Variants in CA8 observed in about 807,000 individuals in gnomAD.
CA8 encodes the protein carbonic anhydrase-related protein.
A neutral mutation model predicts 41.4 loss-of-function variants in CA8; 22 were observed. That is an observed-to-expected ratio of 0.53 (90% CI 0.38 to 0.76). The LOEUF is 0.76. Ranked by LOEUF, CA8 falls within the 30% of genes least tolerant of loss-of-function variation. The pLI, the probability that CA8 is intolerant of heterozygous loss-of-function variation, is 0.00. For missense variants in CA8, 270 were observed against 352.8 expected (o/e 0.77, Z 1.88); for synonymous variants, 121 against 130.6 (o/e 0.93, Z 0.50).
chr8:60,208,353 T>G, intron 8 of CA8: 1 of 229,282 alleles, frequency 4.4e-6, no homozygotes. Context: ...ACACTGAGGC[T>G]CACACGCTCC....
At position 60,281,276 on chromosome 8, in the gene CA8, G is replaced by A; in HGVS notation, c.-129C>T. On this transcript the variant is annotated 5_prime_UTR_variant, in exon 1 of 9. Transcript: ENST00000317995. ...CGCGTGAGCGGCAGTGTGAGTGCGA[G>A]AGCGCCTCCGGGTGTGAACCGCAGT... 2 of 681,654 alleles carry A rather than the reference G, an allele frequency of 2.9e-6. No homozygotes were observed. Among genetic ancestry groups the A allele is most frequent in the South Asian group, 1.7e-5 (1 of 60,528 alleles). The allele number at this position is 681,654 out of a possible 1,614,324, so 42.2% of individuals were successfully genotyped here. A position where few individuals can be genotyped will look rare whatever the true frequency, so the allele number is the denominator to read the frequency against.
intron 1 of CA8, among the ~76,000 whole-genome samples, chr8:60,280,666 C>T (rs1184835722): frequency 6.6e-6 from 1 of 152,242 alleles, no homozygotes; most frequent in Non-Finnish European, 1.5e-5. Flanking sequence ...AAAACGAATT[C>T]TTCACGCTAA....
chr8:60,229,594 G>A (rs954826313), intron 4 of CA8, among the ~76,000 whole-genome samples: 2 of 152,130 alleles, frequency 1.3e-5, no homozygotes, highest in African/African-American at 2.4e-5. Flanking sequence ...CCGTCAGTCC[G>A]TGGCCTTCTG....
intron 2 of CA8, among the ~76,000 whole-genome samples, chr8:60,277,406 A>T (rs527649642): frequency 4.6e-5 from 7 of 151,424 alleles, no homozygotes; most frequent in African/African-American, 1.5e-4. Context: ...CAGGCTGGAG[A>T]GCAATGGCGC....
At chr8:60,255,837 T>C (rs1222246229) in intron 3 of CA8, among the ~76,000 whole-genome samples, 1 of 152,194 alleles carries the variant, frequency 6.6e-6, no homozygotes, top group Non-Finnish European at 1.5e-5. Flanking sequence ...GAATATCAGC[T>C]TTTGTTTAAC....
chr8:60,230,784 G>A (rs887424873), intron 4 of CA8, among the ~76,000 whole-genome samples: 2 of 152,158 alleles, frequency 1.3e-5, no homozygotes, highest in Non-Finnish European at 2.9e-5. Flanking sequence ...GGAAATACTC[G>A]CAGTAGTTCT....
chr8:60,246,481 G>A (rs1337601945), intron 3 of CA8, among the ~76,000 whole-genome samples: 2 of 151,628 alleles, frequency 1.3e-5, no homozygotes, highest in African/African-American at 2.4e-5. Context: ...TGTACTTTTA[G>A]TGAGATGGGT....
intron 3 of CA8, among the ~76,000 whole-genome samples, chr8:60,248,553 G>A (rs558359514): frequency 6.6e-6 from 1 of 152,322 alleles, no homozygotes; most frequent in East Asian, 1.9e-4. Flanking sequence ...TCAAAGGTCA[G>A]GTGGCTGTAG....
At chr8:60,267,723 T>C (rs1803945218) in intron 2 of CA8, among the ~76,000 whole-genome samples, 1 of 152,174 alleles carries the variant, frequency 6.6e-6, no homozygotes, top group Non-Finnish European at 1.5e-5. Flanking sequence ...TCAGTATCTG[T>C]GAGCATGAAC....
At chr8:60,231,189 C>A (rs1807635102) in intron 4 of CA8, among the ~76,000 whole-genome samples, 1 of 151,990 alleles carries the variant, frequency 6.6e-6, no homozygotes, top group South Asian at 2.1e-4. Flanking sequence ...TGATTTCTTT[C>A]TAGTTATATA....
chr8:60,229,905 C>A (rs1358417638), intron 4 of CA8, among the ~76,000 whole-genome samples: 2 of 152,188 alleles, frequency 1.3e-5, no homozygotes, highest in Non-Finnish European at 2.9e-5. Context: ...TCTGATGGAT[C>A]AACACGACTT....
intron 4 of CA8, among the ~76,000 whole-genome samples, chr8:60,227,198 G>A (rs1304240786): frequency 6.6e-6 from 1 of 151,960 alleles, no homozygotes; most frequent in Admixed American, 6.6e-5. Flanking sequence ...GGGTGAGGAA[G>A]AAGAATCGCT....
At chr8:60,248,270 T>C (rs1327717564) in intron 3 of CA8, among the ~76,000 whole-genome samples, 2 of 152,240 alleles carry the variant, frequency 1.3e-5, no homozygotes, top group Non-Finnish European at 2.9e-5. Flanking sequence ...ATACGATTTG[T>C]CAATTTTTGC....
At chr8:60,204,973 G>T (rs892182899) in intron 8 of CA8, among the ~76,000 whole-genome samples, 4 of 152,106 alleles carry the variant, frequency 2.6e-5, no homozygotes, top group Admixed American at 2.0e-4. Context: ...AGACTGATAT[G>T]AAATTGATAC....
At chr8:60,258,875 C>T (rs555111445) in intron 3 of CA8, among the ~76,000 whole-genome samples, 2 of 152,326 alleles carry the variant, frequency 1.3e-5, no homozygotes, top group African/African-American at 4.8e-5. Flanking sequence ...GCCCACCACT[C>T]ACCTTGTGCT....
chr8:60,221,271 G>A (rs1361278870), intron 7 of CA8, among the ~76,000 whole-genome samples: 1 of 152,116 alleles, frequency 6.6e-6, no homozygotes, highest in African/African-American at 2.4e-5. Flanking sequence ...TGTGTTTCCA[G>A]AGCACCTTAC....
intron 3 of CA8, among the ~76,000 whole-genome samples, chr8:60,257,769 A>T (rs746311346): frequency 6.6e-6 from 1 of 152,204 alleles, no homozygotes; most frequent in Non-Finnish European, 1.5e-5. Context: ...TCTTCCACAT[A>T]GTAGTTGATA....
chr8:60,215,373 A>ACACACACACACACACACACACG (rs1362501653), intron 7 of CA8, among the ~76,000 whole-genome samples: 1 of 150,570 alleles, frequency 6.6e-6, no homozygotes, highest in Non-Finnish European at 1.5e-5. Flanking sequence ...ACACACACAC[A>ACACACACACACACACACACACG]CACACACACA....
intron 8 of CA8, among the ~76,000 whole-genome samples, chr8:60,197,281 A>G (rs1806307093): frequency 6.6e-6 from 1 of 152,158 alleles, no homozygotes; most frequent in South Asian, 2.1e-4. Flanking sequence ...GAAAAGATAT[A>G]TCATCAAGCT....
Sources: gnomAD v4.1 joint callset for allele counts (sites outside exome capture counted in the v4.1 genomes callset) on GRCh38, gnomAD v4.1.1 for gene constraint, MANE v1.5 for transcripts, NCBI Gene and HGNC (gene_info 2026-07-23, HGNC 2026-07-21) for gene names.